PTPRM: variants seen among roughly 807,000 people sequenced by gnomAD.
The protein encoded by PTPRM is protein tyrosine phosphatase receptor type M.
Under a neutral mutation model 186.7 loss-of-function variants are expected in PTPRM, and 47 were observed. The observed-to-expected ratio is 0.25, with a 90% CI of 0.20 to 0.32. PTPRM has a LOEUF of 0.32. PTPRM is among the 10% of genes least tolerant of loss of function. The pLI is 1.00. For missense variants in PTPRM, 1,494 were observed against 1,865.0 expected (o/e 0.80, Z 3.66); for synonymous variants, 668 against 674.9 (o/e 0.99, Z 0.16).
chr18:8,117,209 A>C (rs573837257), intron 13 of PTPRM, among the ~76,000 whole-genome samples: 28 of 152,238 alleles, frequency 1.8e-4, no homozygotes, highest in Admixed American at 9.2e-4. Context: ...GAGAAATAGG[A>C]AGATCTAATA....
chr18:7,828,028 GAT>G, intron 2 of PTPRM, among the ~76,000 whole-genome samples: 1 of 152,168 alleles, frequency 6.6e-6, no homozygotes, highest in East Asian at 1.9e-4. Context: ...AGCAATGGCT[GAT>G]AATCCGAATC....
At chr18:8,150,263 C>T (rs1457640581) in intron 14 of PTPRM, among the ~76,000 whole-genome samples, 5 of 152,212 alleles carry the variant, frequency 3.3e-5, no homozygotes, top group African/African-American at 7.2e-5. Flanking sequence ...CCATTCTCCT[C>T]GTCACTTTCA....
chr18:8,320,493 C>T (rs981544779), intron 22 of PTPRM, among the ~76,000 whole-genome samples: 8 of 152,214 alleles, frequency 5.3e-5, no homozygotes, highest in Non-Finnish European at 1.0e-4. Flanking sequence ...ATCATAGCTA[C>T]AAATCACATG....
intron 14 of PTPRM, among the ~76,000 whole-genome samples, chr18:8,237,278 T>A (rs1431018863): frequency 6.6e-6 from 1 of 152,134 alleles, no homozygotes; most frequent in Non-Finnish European, 1.5e-5. Flanking sequence ...TTAAGAATTT[T>A]AAAAAATGTT....
At chr18:8,147,012 T>C (rs1381960678) in intron 14 of PTPRM, among the ~76,000 whole-genome samples, 3 of 152,174 alleles carry the variant, frequency 2.0e-5, no homozygotes, top group African/African-American at 7.2e-5. Flanking sequence ...GGCCTATATA[T>C]CCGTTTTGAT....
At chr18:8,048,844 A>G (rs2087258695) in intron 7 of PTPRM, among the ~76,000 whole-genome samples, 1 of 152,200 alleles carries the variant, frequency 6.6e-6, no homozygotes, top group African/African-American at 2.4e-5. Flanking sequence ...CTGAAATTGT[A>G]TTTGATTCAC....
intron 13 of PTPRM, among the ~76,000 whole-genome samples, chr18:8,126,491 A>G (rs1170132790): frequency 1.3e-5 from 2 of 152,090 alleles, no homozygotes; most frequent in Non-Finnish European, 2.9e-5. Context: ...GTTGAATGTT[A>G]ATTGATTTTC....
Position 8,011,989 on chromosome 18 carries a change from C to T in PTPRM, c.1132+56575C>T, listed in dbSNP as rs2084558965. 2.0e-5 allele frequency among the ~76,000 whole-genome samples: 3 copies of T among 152,100 alleles called. No homozygotes were observed. In the South Asian group the frequency reaches 6.2e-4, roughly 31 times the overall value. On this transcript the variant is annotated intron_variant, in intron 7 of 32. Coordinates refer to ENST00000580170, the MANE Select transcript of PTPRM (RefSeq NM_001105244.2). ...ATTTTTTCCTTCTCATAGTTCATCC[C>T]TCCTTTTTGTAGAGAAGAAAACCAG...
At chr18:7,945,096 G>A (rs1045138005) in intron 5 of PTPRM, among the ~76,000 whole-genome samples, 32 of 152,166 alleles carry the variant, frequency 2.1e-4, no homozygotes, top group African/African-American at 6.5e-4. Context: ...TATGAGAAGA[G>A]GAGAGACTTG....
chr18:8,261,532 GT>G (rs2094631454), intron 19 of PTPRM, among the ~76,000 whole-genome samples: 1 of 152,114 alleles, frequency 6.6e-6, no homozygotes, highest in Admixed American at 6.6e-5. Flanking sequence ...TAGAGAGTTG[GT>G]TTTGACATGA....
chr18:8,176,354 G>A (rs940270238), intron 14 of PTPRM, among the ~76,000 whole-genome samples: 5 of 152,174 alleles, frequency 3.3e-5, no homozygotes, highest in African/African-American at 9.7e-5. Context: ...GATTTCAGAG[G>A]GATGTGCCTG....
At chr18:8,085,605 T>C in intron 9 of PTPRM, 66 bp from the exon 10 acceptor site, 1 of 1,376,662 alleles carries the variant, frequency 7.3e-7, no homozygotes. Flanking sequence ...GAAGGGTTTA[T>C]TGGATAAAGA....
chr18:8,159,861 T>TA (rs911459144), intron 14 of PTPRM, among the ~76,000 whole-genome samples: 10 of 150,954 alleles, frequency 6.6e-5, no homozygotes, highest in South Asian at 2.1e-4. Context: ...CTTTGCTTTT[T>TA]AAAAAAAAAA....
intron 13 of PTPRM, among the ~76,000 whole-genome samples, chr18:8,125,917 T>C (rs1020603269): frequency 6.9e-6 from 1 of 145,808 alleles, no homozygotes; most frequent in Non-Finnish European, 1.5e-5. Context: ...TCTTTGTTTA[T>C]GATTTAATAA....
intron 2 of PTPRM, chr18:7,815,835 A>G (rs1456621150): frequency 6.6e-6 from 1 of 152,242 alleles, no homozygotes; most frequent in Non-Finnish European, 1.5e-5. Flanking sequence ...CAGCAAATCA[A>G]TAAAGAAAGG....
intron 23 of PTPRM, among the ~76,000 whole-genome samples, chr18:8,369,109 G>GAAC (rs1294959882): frequency 6.6e-6 from 1 of 152,186 alleles, no homozygotes; most frequent in Non-Finnish European, 1.5e-5. Context: ...GGAATGGTGC[G>GAAC]AGTAGGAGTT....
At position 7,947,181 on chromosome 18, in the gene PTPRM, T is replaced by A. The variant is rs560090888; in HGVS notation, c.664-2000T>A. Among the ~76,000 whole-genome samples the A allele has an allele frequency of 2.6e-5, 4 of 152,348 alleles. No individual in the cohort carries two copies. In the East Asian group the frequency reaches 7.7e-4, roughly 29 times the overall value. ...AGCCGCTCTGCCTTTCTCCTTGAATTCATCACTCAGGTGTTCCGGCGCTTG... is the reference window on the plus strand; with the variant it reads ...AGCCGCTCTGCCTTTCTCCTTGAATACATCACTCAGGTGTTCCGGCGCTTG... On this transcript the variant is annotated intron_variant, in intron 5 of 32. Transcript: ENST00000580170.
intron 2 of PTPRM, among the ~76,000 whole-genome samples, chr18:7,806,521 G>A (rs1029302039): frequency 1.3e-5 from 2 of 152,066 alleles, no homozygotes; most frequent in African/African-American, 4.8e-5. Context: ...TTAAAATATA[G>A]CAATGAAAAA....
intron 7 of PTPRM, among the ~76,000 whole-genome samples, chr18:8,045,800 A>C (rs1170792240): frequency 2.0e-5 from 3 of 152,204 alleles, no homozygotes; most frequent in Non-Finnish European, 4.4e-5. Flanking sequence ...TACACTTTAC[A>C]TGGGTGGATT....
Sources: gnomAD v4.1 joint callset for allele counts (sites outside exome capture counted in the v4.1 genomes callset) on GRCh38, gnomAD v4.1.1 for gene constraint, MANE v1.5 for transcripts, NCBI Gene and HGNC (gene_info 2026-07-23, HGNC 2026-07-21) for gene names.